The following ABCB5 variants were observed in gnomAD, a reference collection of about 807,000 sequenced individuals.
ABCB5 encodes the protein ATP-binding cassette sub-family B member 5.
ABCB5 carries 155 observed loss-of-function variants against 144.2 expected under a neutral mutation model. The observed-to-expected ratio is 1.08, with a 90% confidence interval of 0.94 to 1.23. The LOEUF is 1.23. Ranked by LOEUF, ABCB5 falls within the 50% of genes most tolerant of loss-of-function variation. The pLI, the probability that ABCB5 is intolerant of heterozygous loss-of-function variation, is 0.00. For synonymous variants in ABCB5, 610 were observed against 528.6 expected (o/e 1.15, Z -2.11); for missense variants, 1,830 against 1,520.8 (o/e 1.20, Z -3.38).
chr7:20,744,617 T>TG (rs1349751906), intron 25 of ABCB5, among the ~76,000 whole-genome samples: 8 of 110,062 alleles, frequency 7.3e-5, no homozygotes, highest in African/African-American at 2.1e-4. Context: ...GCTACATCCA[T>TG]GGGGGGAGGG....
At chr7:20,706,899 G>A (rs1786844769) in intron 20 of ABCB5, among the ~76,000 whole-genome samples, 2 of 152,208 alleles carry the variant, frequency 1.3e-5, no homozygotes. Flanking sequence ...AAAGATTTCA[G>A]GAGTGAGACT....
intron 14 of ABCB5, among the ~76,000 whole-genome samples, chr7:20,680,433 C>T (rs1041636516): frequency 2.0e-5 from 3 of 151,938 alleles, no homozygotes; most frequent in African/African-American, 4.8e-5. Flanking sequence ...AATAGCCGGG[C>T]GTGGTGGTGG....
chr7:20,695,284 C>T (rs1786370117), intron 16 of ABCB5, among the ~76,000 whole-genome samples: 1 of 151,726 alleles, frequency 6.6e-6, no homozygotes, highest in East Asian at 1.9e-4. Context: ...TGGTCAATTG[C>T]TTTTCAACAC....
chr7:20,685,349 T>A (rs1340980158), intron 15 of ABCB5, among the ~76,000 whole-genome samples: 1 of 152,190 alleles, frequency 6.6e-6, no homozygotes, highest in African/African-American at 2.4e-5. Context: ...CAGAAATGGC[T>A]AGGAGGAAGG....
intron 4 of ABCB5, 104 bp downstream of exon 4, chr7:20,628,942 A>G (rs1392917582): frequency 3.3e-5 from 43 of 1,309,372 alleles, no homozygotes; most frequent in Non-Finnish European, 3.9e-5. Context: ...GTAAAACAGT[A>G]TCTGTATAAT....
At chr7:20,637,579 C>T (rs1784191267) in intron 5 of ABCB5, among the ~76,000 whole-genome samples, 1 of 152,138 alleles carries the variant, frequency 6.6e-6, no homozygotes, top group South Asian at 2.1e-4. Context: ...AGCCTCCATG[C>T]CTGGCTAATT....
chr7:20,641,617 G>C (rs1226456609), intron 5 of ABCB5: 2 of 153,904 alleles, frequency 1.3e-5, no homozygotes, highest in Non-Finnish European at 2.9e-5. Context: ...GTATGCTTGA[G>C]GGAGACTGTG....
chr7:20,736,197 T>A (rs1782373868), intron 23 of ABCB5, among the ~76,000 whole-genome samples: 1 of 151,478 alleles, frequency 6.6e-6, no homozygotes, highest in Non-Finnish European at 1.5e-5. Flanking sequence ...GTGTGAGAGC[T>A]TTTTTTTTCT....
chr7:20,667,317 A>G (rs1400965899), intron 14 of ABCB5: 25 of 984,812 alleles, frequency 2.5e-5, no homozygotes, highest in Non-Finnish European at 3.0e-5. Flanking sequence ...AGAGATATAT[A>G]TTAAAACACC....
At chr7:20,753,746 T>C (rs1783003089) in intron 27 of ABCB5, among the ~76,000 whole-genome samples, 1 of 152,212 alleles carries the variant, frequency 6.6e-6, no homozygotes, top group African/African-American at 2.4e-5. Context: ...CAAATTTGTC[T>C]CATTATCAAA....
chr7:20,749,786 G>T (rs910635531), intron 26 of ABCB5, among the ~76,000 whole-genome samples: 1 of 152,168 alleles, frequency 6.6e-6, no homozygotes, highest in Non-Finnish European at 1.5e-5. Flanking sequence ...GACCTTTGGA[G>T]AATTAAGAGG....
chr7:20,676,171 C>T (rs1303731292), intron 14 of ABCB5, among the ~76,000 whole-genome samples: 1 of 146,218 alleles, frequency 6.8e-6, no homozygotes, highest in Non-Finnish European at 1.5e-5. Flanking sequence ...TACACATACA[C>T]ACACACACAC....
Position 20,645,813 on chromosome 7 carries a change from G to C in ABCB5, c.736G>C (p.Ala246Pro), listed in dbSNP as rs749580728. The change falls in exon 8 of 28, where the codon GCA (alanine) becomes CCA (proline). Residue 246 changes from alanine to proline, a missense_variant. Ala to Pro is a conservative substitution (Grantham distance 27). Transcript: ENST00000404938. ...LSAYSKAGAV[A>P]EEVLSSIRTV... ...TGCCTATTCCAAAGCTGGGGCTGTGGCAGAAGAAGTCTTGTCATCAATCCG... is the reference window on the plus strand; with the variant it reads ...TGCCTATTCCAAAGCTGGGGCTGTGCCAGAAGAAGTCTTGTCATCAATCCG... 1 of 1,613,846 alleles carries C rather than the reference G, an allele frequency of 6.2e-7. No individual in the cohort carries two copies. Among genetic ancestry groups the C allele is most frequent in the Admixed American group, 1.7e-5 (1 of 60,008 alleles).
intron 14 of ABCB5, among the ~76,000 whole-genome samples, chr7:20,668,437 G>A (rs1183946732): frequency 8.6e-5 from 13 of 151,312 alleles, no homozygotes; most frequent in Non-Finnish European, 1.6e-4. Context: ...GGTGAGGAGC[G>A]TCTCTGCCCG....
At chr7:20,651,977 G>T (rs1250477855) in intron 13 of ABCB5, among the ~76,000 whole-genome samples, 2 of 152,086 alleles carry the variant, frequency 1.3e-5, no homozygotes, top group African/African-American at 4.8e-5. Context: ...AGAGAAGAAT[G>T]CATAGTAACA....
intron 5 of ABCB5, among the ~76,000 whole-genome samples, chr7:20,635,696 T>C (rs1784143174): frequency 6.6e-6 from 1 of 152,154 alleles, no homozygotes; most frequent in Admixed American, 6.6e-5. Context: ...GATTTGATTC[T>C]CATTTTGATC....
At position 20,632,123 on chromosome 7, in the gene ABCB5, A is replaced by G. The variant is rs1168109546; in HGVS notation, c.314+10A>G. 2 of 1,496,738 alleles carry G rather than the reference A, an allele frequency of 1.3e-6. No individual in the cohort carries two copies. The highest frequency in any genetic ancestry group is 1.4e-5 in the African/African-American group (1 of 70,918). The allele number at this position is 1,496,738 out of a possible 1,614,324, so 92.7% of individuals were successfully genotyped here. On this transcript the variant is annotated intron_variant, in intron 5 of 27. Transcript: ENST00000404938. Reference sequence around the variant, plus strand: ...ATGAAGATATGACTCTGTAAGTCCAAATGAAACGTTAATATCACATTCGTT... The same window carrying G: ...ATGAAGATATGACTCTGTAAGTCCAGATGAAACGTTAATATCACATTCGTT...
intron 19 of ABCB5, among the ~76,000 whole-genome samples, chr7:20,701,318 C>T (rs17143279): frequency 0.02 from 3,070 of 152,244 alleles, 102 homozygotes; most frequent in African/African-American, 0.07. Context: ...CTGTATTTCA[C>T]ATTTGTTGAC....
chr7:20,657,297 T>C (rs576047284), intron 13 of ABCB5, among the ~76,000 whole-genome samples: 17 of 150,790 alleles, frequency 1.1e-4, no homozygotes, highest in African/African-American at 4.2e-4. Flanking sequence ...TTTAGCAATA[T>C]TGCATAAAAC....
Sources: allele counts gnomAD v4.1 joint callset (sites outside exome capture counted in the v4.1 genomes callset), GRCh38; gene constraint gnomAD v4.1.1; transcripts MANE v1.5; gene names NCBI Gene and HGNC (gene_info 2026-07-23, HGNC 2026-07-21).